Variants in CDH9 observed in about 807,000 individuals in gnomAD.
CDH9 encodes cadherin-9.
Under a neutral mutation model 70.9 loss-of-function variants are expected in CDH9, and 28 were observed. The ratio of observed to expected loss-of-function variants is 0.40; its 90% CI spans 0.29 to 0.54. CDH9 has a LOEUF of 0.54. CDH9 is among the 20% of genes least tolerant of loss of function. The probability of loss-of-function intolerance (pLI) is 0.59; values close to 1 mark genes in which losing one functional copy is unlikely to be tolerated. For synonymous variants in CDH9, 409 were observed against 343.1 expected, an observed-to-expected ratio of 1.19 and a Z score of -2.12; for missense variants, 874 against 984.4, an observed-to-expected ratio of 0.89 and a Z score of 1.50.
At chr5:26,928,954 A>C (rs10037925) in intron 2 of CDH9, among the ~76,000 whole-genome samples, 14,538 of 152,004 alleles carry the variant, frequency 0.096, 862 homozygotes, top group East Asian at 0.17. Flanking sequence ...TAAGCAATAC[A>C]CCATAAGCAC....
At chr5:26,884,750 A>G (rs1356357009) in intron 11 of CDH9, among the ~76,000 whole-genome samples, 1 of 152,152 alleles carries the variant, frequency 6.6e-6, no homozygotes, top group Non-Finnish European at 1.5e-5. Flanking sequence ...TAGAACATAA[A>G]TTTGGCTAGC....
chr5:26,990,442 T>A (rs1561031416), intron 1 of CDH9, among the ~76,000 whole-genome samples: 1 of 152,150 alleles, frequency 6.6e-6, no homozygotes, highest in East Asian at 1.9e-4. Flanking sequence ...AATACAAAAT[T>A]ACACCATTTT....
intron 7 of CDH9, among the ~76,000 whole-genome samples, chr5:26,897,363 C>T (rs1740771116): frequency 2.0e-5 from 3 of 151,916 alleles, no homozygotes; most frequent in African/African-American, 4.8e-5. Flanking sequence ...AGAGACACAA[C>T]AAAAAAAGAA....
chr5:26,894,136 C>T (rs757901658), intron 7 of CDH9, among the ~76,000 whole-genome samples: 26 of 152,236 alleles, frequency 1.7e-4, no homozygotes, highest in Middle Eastern at 3.4e-3. Flanking sequence ...TCATAATATT[C>T]ACCTGTAAAT....
intron 2 of CDH9, among the ~76,000 whole-genome samples, chr5:26,973,183 A>T (rs749130665): frequency 2.6e-5 from 4 of 152,048 alleles, no homozygotes; most frequent in Non-Finnish European, 4.4e-5. Flanking sequence ...TTTTTATCTG[A>T]CTTGGAAGCA....
At chr5:26,969,780 G>A (rs1369203916) in intron 2 of CDH9, among the ~76,000 whole-genome samples, 1 of 151,688 alleles carries the variant, frequency 6.6e-6, no homozygotes, top group Non-Finnish European at 1.5e-5. Flanking sequence ...CATTAATTCT[G>A]TTGATTCTCT....
Position 26,988,131 on chromosome 5 carries a change from C to T in CDH9, c.203G>A (p.Gly68Asp), listed in dbSNP as rs766438507. The T allele has an allele frequency of 3.1e-6, 5 of 1,612,476 alleles. No individual in the cohort carries two copies. Among genetic ancestry groups the T allele is most frequent in the Non-Finnish European group, 4.2e-6 (5 of 1,179,122 alleles). The change falls in exon 2 of 12, where the codon GGT becomes GAT. Residue 68 changes from glycine (G) to aspartate (D), a missense_variant. By Grantham distance (94) the Gly-to-Asp change is moderately conservative (BLOSUM62 -1). Coordinates refer to ENST00000231021, the MANE Select transcript of CDH9 (RefSeq NM_016279.4). ...NQFFLLEEYT[G>D]TDTQYVGKLH... ...CTTGCCTACATATTGTGTGTCAGTA[C>T]CTGTGTACTCTTCCAATAAGAAGAA...
intron 1 of CDH9, 36 bp from the exon 2 acceptor site, chr5:26,988,418 CT>C: frequency 6.6e-7 from 1 of 1,520,270 alleles, no homozygotes; most frequent in Non-Finnish European, 8.8e-7. Context: ...GCTGTATTAG[CT>C]TGAGTTTCAC....
At chr5:26,947,062 A>G (rs1326412397) in intron 2 of CDH9, among the ~76,000 whole-genome samples, 3 of 152,178 alleles carry the variant, frequency 2.0e-5, no homozygotes, top group Admixed American at 1.3e-4. Flanking sequence ...TATGAAGATG[A>G]CCTGCTGACT....
intron 1 of CDH9, among the ~76,000 whole-genome samples, chr5:26,997,715 T>C (rs952177876): frequency 6.6e-6 from 1 of 151,932 alleles, no homozygotes; most frequent in Non-Finnish European, 1.5e-5. Context: ...AATTTTTTTT[T>C]TTTTGAGATG....
intron 7 of CDH9, among the ~76,000 whole-genome samples, chr5:26,898,694 G>C (rs964468371): frequency 6.6e-6 from 1 of 152,006 alleles, no homozygotes; most frequent in Non-Finnish European, 1.5e-5. Context: ...AGACATAAAC[G>C]TAAGACCTAA....
chr5:27,013,492 A>AT (rs1742992900), intron 1 of CDH9, among the ~76,000 whole-genome samples: 1 of 151,910 alleles, frequency 6.6e-6, no homozygotes, highest in Non-Finnish European at 1.5e-5. Flanking sequence ...GCATCTCGCT[A>AT]TTATATGTGG....
intron 3 of CDH9, among the ~76,000 whole-genome samples, chr5:26,912,958 G>T (rs1173120568): frequency 6.6e-6 from 1 of 152,082 alleles, no homozygotes; most frequent in Non-Finnish European, 1.5e-5. Flanking sequence ...CCCTGCACAA[G>T]CTCTCTTTCT....
At chr5:26,926,754 C>A (rs1246555697) in intron 2 of CDH9, among the ~76,000 whole-genome samples, 1 of 151,824 alleles carries the variant, frequency 6.6e-6, no homozygotes, top group Non-Finnish European at 1.5e-5. Context: ...GATAAATAGA[C>A]CAACGGAACA....
chr5:26,992,282 G>A (rs557705102), intron 1 of CDH9, among the ~76,000 whole-genome samples: 1 of 152,258 alleles, frequency 6.6e-6, no homozygotes, highest in South Asian at 2.1e-4. Flanking sequence ...GGGTTGGGGG[G>A]CCCTGCTCAA....
rs753019226 is a variant in CDH9 at position 26,889,862 on chromosome 5, C to A, written c.1486G>T (p.Val496Phe). 1.3e-6 allele frequency: 2 copies of A among 1,596,332 alleles called. No individual in the cohort carries two copies. The highest frequency in any genetic ancestry group is 2.3e-5 in the East Asian group (1 of 44,420). The change falls in exon 9 of 12, where the codon GTT becomes TTT. Residue 496 changes from valine to phenylalanine, a missense_variant. By Grantham distance (50) the Val-to-Phe change is conservative (BLOSUM62 -1). Coordinates refer to ENST00000231021, the MANE Select transcript of CDH9 (RefSeq NM_016279.4). ...TGCCCAGGTTTTGCATTTTCACAAA[C>A]AAATGTTTCATAATACATGGCAAAT... Reference protein sequence around the residue: ...PEFAMYYETFVCENAKPGQLI... With the variant: ...PEFAMYYETFFCENAKPGQLI...
chr5:26,935,154 GA>G lies in CDH9; in HGVS notation c.229-19231del, dbSNP rs574799415. On this transcript the variant is annotated intron_variant, in intron 2 of 11. Coordinates refer to ENST00000231021, the MANE Select transcript of CDH9 (RefSeq NM_016279.4). ...TCATATGATCATACAAATAGATTTA[GA>G]AAAAGTACTTAACAGTTTCCAAAAG... Among the ~76,000 whole-genome samples the G allele has an allele frequency of 6.3e-3, 953 of 152,144 alleles. 3 individuals are homozygous for G. The highest frequency in any genetic ancestry group is 0.01 in the Non-Finnish European group (690 of 67,964).
chr5:26,903,240 G>A (rs372855412), intron 6 of CDH9: 57 of 307,022 alleles, frequency 1.9e-4, no homozygotes, highest in East Asian at 1.5e-3. Flanking sequence ...ATTGAAAATC[G>A]AGGCAACCAA....
At chr5:26,914,555 T>C (rs1018446760) in intron 3 of CDH9, among the ~76,000 whole-genome samples, 4 of 152,068 alleles carry the variant, frequency 2.6e-5, no homozygotes, top group African/African-American at 9.6e-5. Flanking sequence ...GCTATTTCAG[T>C]TCTATTTAAC....
Sources: allele counts gnomAD v4.1 joint callset (sites outside exome capture counted in the v4.1 genomes callset), GRCh38; gene constraint gnomAD v4.1.1; transcripts MANE v1.5; gene names NCBI Gene and HGNC (gene_info 2026-07-23, HGNC 2026-07-21).